Variants in NUP98 observed in about 807,000 individuals in gnomAD.
NUP98 encodes the protein nucleoporin 98 and 96 precursor.
A neutral mutation model predicts 191.9 loss-of-function variants in NUP98; 26 were observed. The ratio of observed to expected loss-of-function variants is 0.14; its 90% CI spans 0.10 to 0.19. The LOEUF is 0.19. Among genes scored for constraint, NUP98 ranks in the 10% least tolerant of loss-of-function variants. The probability of loss-of-function intolerance (pLI) is 1.00; values close to 1 mark genes in which losing one functional copy is unlikely to be tolerated. For missense variants in NUP98, 1,941 were observed against 2,178.8 expected, an observed-to-expected ratio of 0.89 and a Z score of 2.17; for synonymous variants, 808 against 778.4, an observed-to-expected ratio of 1.04 and a Z score of -0.63.
intron 18 of NUP98, among the ~76,000 whole-genome samples, chr11:3,716,409 C>T (rs61879800): frequency 0.051 from 7,682 of 151,682 alleles, 253 homozygotes; most frequent in Middle Eastern, 0.099. Context: ...TTATACCTTA[C>T]TGAAAATCAT....
rs11826824 is a variant in NUP98, at chr11:3,711,259, C to A, written c.2742+1305G>T. On this transcript the variant is annotated intron_variant, in intron 20 of 32. Coordinates refer to ENST00000324932, the MANE Select transcript of NUP98 (RefSeq NM_016320.5). Reference sequence around the variant, plus strand: ...TCTCAAGGAAAAAAAAAGCTACTTGCCCATTTTAAATCCTTACTACCTCTT... The same window carrying A: ...TCTCAAGGAAAAAAAAAGCTACTTGACCATTTTAAATCCTTACTACCTCTT... Among the ~76,000 whole-genome samples, 939 of 152,208 alleles carry A rather than the reference C, an allele frequency of 6.2e-3. 10 individuals carry two copies. The highest frequency in any genetic ancestry group is 0.021 in the African/African-American group (890 of 41,542).
At chr11:3,767,976 T>C (rs61877631) in intron 8 of NUP98, among the ~76,000 whole-genome samples, 7,711 of 152,126 alleles carry the variant, frequency 0.051, 256 homozygotes, top group Middle Eastern at 0.099. Context: ...TTTTCCAAGG[T>C]ATAGCTTTAA....
chr11:3,753,097 A>G (rs921764925), intron 11 of NUP98, among the ~76,000 whole-genome samples: 1 of 152,220 alleles, frequency 6.6e-6, no homozygotes, highest in African/African-American at 2.4e-5. Flanking sequence ...ATCAGAGGAC[A>G]TTTTGTAGAA....
chr11:3,733,348 G>C (rs2079917627), intron 13 of NUP98, among the ~76,000 whole-genome samples: 1 of 152,142 alleles, frequency 6.6e-6, no homozygotes, highest in African/African-American at 2.4e-5. Flanking sequence ...TTTCGCTCTT[G>C]TCATCTGGGC....
At chr11:3,745,686 G>A (rs1378004298) in intron 11 of NUP98, among the ~76,000 whole-genome samples, 4 of 152,028 alleles carry the variant, frequency 2.6e-5, no homozygotes, top group East Asian at 1.9e-4. Flanking sequence ...AGTCCTGGGC[G>A]AAAGTAATCC....
intron 28 of NUP98, among the ~76,000 whole-genome samples, chr11:3,691,080 T>C (rs1165515847): frequency 2.6e-5 from 4 of 152,226 alleles, no homozygotes; most frequent in African/African-American, 9.6e-5. Context: ...GCTGTAATGG[T>C]AGTTACAATG....
intron 11 of NUP98, among the ~76,000 whole-genome samples, chr11:3,749,905 AG>A (rs1458639719): frequency 1.3e-5 from 2 of 152,210 alleles, no homozygotes; most frequent in Non-Finnish European, 2.9e-5. Flanking sequence ...TATTTTTGAA[AG>A]GCAAATTAGC....
At chr11:3,696,164 C>T (rs2078498238) in intron 25 of NUP98, among the ~76,000 whole-genome samples, 1 of 152,024 alleles carries the variant, frequency 6.6e-6, no homozygotes, top group South Asian at 2.1e-4. Context: ...GCACTCCAGC[C>T]TGGGCAACAA....
intron 18 of NUP98, among the ~76,000 whole-genome samples, chr11:3,715,194 T>G (rs991759621): frequency 6.6e-6 from 1 of 152,210 alleles, no homozygotes; most frequent in Non-Finnish European, 1.5e-5. Context: ...TCACCCAGGC[T>G]GGAGTGCAGT....
rs77774325 is a variant in NUP98, at chr11:3,755,978, A to G, written c.1175-2570T>C. Among the ~76,000 whole-genome samples the G allele has an allele frequency of 5.1e-4, 78 of 152,298 alleles. 1 individual carries two copies. The East Asian group carries it at 0.014, about 28-fold the overall frequency. On this transcript the variant is annotated intron_variant, in intron 10 of 32. Coordinates refer to ENST00000324932, the MANE Select transcript of NUP98 (RefSeq NM_016320.5). ...ACTCCATCTCGAAAAAAATAAATAC[A>G]TGAAATAAAATCCAATCAAGTAACC...
At chr11:3,712,843 T>G in intron 19 of NUP98, 115 bp from the exon 20 acceptor site, 1 of 1,111,544 alleles carries the variant, frequency 9.0e-7, no homozygotes, top group African/African-American at 1.6e-5. Flanking sequence ...GAGAAATATC[T>G]AAGTATTTAA....
chr11:3,733,680 T>C lies in NUP98; in HGVS notation c.1542+1511A>G, dbSNP rs1041529666. ...AGCATGTATCAGTACTTTACTCCTATTTATGGCTAAATGATATTCCATTAT... is the reference window on the plus strand; with the variant it reads ...AGCATGTATCAGTACTTTACTCCTACTTATGGCTAAATGATATTCCATTAT... On this transcript the variant is annotated intron_variant, in intron 13 of 32. Transcript: ENST00000324932. Among the ~76,000 whole-genome samples the C allele has an allele frequency of 5.9e-5, 9 of 152,226 alleles. No homozygotes were observed. The East Asian group carries it at 1.3e-3, about 23-fold the overall frequency.
chr11:3,723,906 T>C (rs1014185438), intron 15 of NUP98, among the ~76,000 whole-genome samples: 8 of 151,458 alleles, frequency 5.3e-5, no homozygotes, highest in Admixed American at 5.3e-4. Flanking sequence ...GGATTTTTAC[T>C]GAAGCACTGT....
At chr11:3,687,561 T>C (rs920961188) in intron 28 of NUP98, among the ~76,000 whole-genome samples, 5 of 152,192 alleles carry the variant, frequency 3.3e-5, no homozygotes, top group South Asian at 2.1e-4. Flanking sequence ...GGATAAACAA[T>C]AGACACAACT....
chr11:3,771,366 A>T (rs1481987106), intron 7 of NUP98, among the ~76,000 whole-genome samples: 1 of 152,140 alleles, frequency 6.6e-6, no homozygotes, highest in East Asian at 1.9e-4. Context: ...TTGGCCTACA[A>T]AGTCGTATAA....
intron 17 of NUP98, among the ~76,000 whole-genome samples, chr11:3,720,421 G>A (rs2079346947): frequency 6.6e-6 from 1 of 152,056 alleles, no homozygotes; most frequent in African/African-American, 2.4e-5. Context: ...ATGGTTCTGT[G>A]CTTCTCAGGA....
chr11:3,754,207 T>C (rs911430727), intron 10 of NUP98, among the ~76,000 whole-genome samples: 1 of 152,130 alleles, frequency 6.6e-6, no homozygotes, highest in Admixed American at 6.6e-5. Context: ...GGTGGGCGGA[T>C]CATGAGGTCA....
chr11:3,699,811 C>T (rs1019437657), intron 24 of NUP98, among the ~76,000 whole-genome samples: 2 of 152,128 alleles, frequency 1.3e-5, no homozygotes, highest in African/African-American at 2.4e-5. Flanking sequence ...AATCTCAAAA[C>T]GTGTGGCATA....
intron 2 of NUP98, among the ~76,000 whole-genome samples, chr11:3,779,547 A>C (rs2081877311): frequency 1.3e-5 from 2 of 152,070 alleles, no homozygotes; most frequent in Non-Finnish European, 1.5e-5. Context: ...AGGCTGAGGC[A>C]GGAGAACTGC....
Sources: allele counts gnomAD v4.1 joint callset (sites outside exome capture counted in the v4.1 genomes callset), GRCh38; gene constraint gnomAD v4.1.1; transcripts MANE v1.5; gene names NCBI Gene and HGNC (gene_info 2026-07-23, HGNC 2026-07-21).